The following PVT1 variants were observed in gnomAD, a reference collection of about 807,000 sequenced individuals.
PVT1 encodes the protein CXCR4/PVT1 fusion.
intron 4 of PVT1, among the ~76,000 whole-genome samples, chr8:128,047,573 C>T (rs1813633608): frequency 6.6e-6 from 1 of 152,096 alleles, no homozygotes; most frequent in Admixed American, 6.5e-5. Flanking sequence ...ACAGGAAAAG[C>T]CAAGCTTAAA....
At chr8:128,059,928 G>GA (rs1270688244) in intron 4 of PVT1, among the ~76,000 whole-genome samples, 1 of 152,066 alleles carries the variant, frequency 6.6e-6, no homozygotes, top group Non-Finnish European at 1.5e-5. Flanking sequence ...TGTGAGGCAG[G>GA]AAAAAAGAAA....
chr8:128,100,239 A>C (rs1056179412), intron 6 of PVT1, among the ~76,000 whole-genome samples: 13 of 150,730 alleles, frequency 8.6e-5, no homozygotes, highest in African/African-American at 3.2e-4. Flanking sequence ...GTAAATATGC[A>C]CTCATTTAAA....
At chr8:127,881,329 C>T (rs573850213) in intron 2 of PVT1, among the ~76,000 whole-genome samples, 5 of 151,674 alleles carry the variant, frequency 3.3e-5, no homozygotes, top group East Asian at 3.9e-4. Context: ...CAGTCTTGTC[C>T]GCAGATGAAC....
At chr8:128,065,118 G>C (rs138250770) in intron 4 of PVT1, among the ~76,000 whole-genome samples, 165 of 152,334 alleles carry the variant, frequency 1.1e-3, no homozygotes, top group African/African-American at 3.7e-3. Flanking sequence ...CTAGAGTGAA[G>C]CATTTACAAT....
At chr8:128,056,152 C>T (rs1161912528) in intron 4 of PVT1, among the ~76,000 whole-genome samples, 1 of 152,224 alleles carries the variant, frequency 6.6e-6, no homozygotes, top group Admixed American at 6.5e-5. Context: ...CTGCCTCTGC[C>T]ACTGACTAGC....
intron 4 of PVT1, among the ~76,000 whole-genome samples, chr8:128,016,716 C>T (rs569364553): frequency 1.3e-5 from 2 of 152,202 alleles, no homozygotes; most frequent in East Asian, 3.8e-4. Context: ...CTGTACTGCT[C>T]TTTAAACACT....
At chr8:128,080,967 A>G (rs1438565926) in intron 5 of PVT1, among the ~76,000 whole-genome samples, 1 of 152,210 alleles carries the variant, frequency 6.6e-6, no homozygotes, top group East Asian at 1.9e-4. Context: ...GAAAAAAATT[A>G]TCTTTCCTCG....
At chr8:128,031,131 C>G (rs543509077) in intron 4 of PVT1, among the ~76,000 whole-genome samples, 3 of 152,196 alleles carry the variant, frequency 2.0e-5, no homozygotes, top group Admixed American at 2.0e-4. Flanking sequence ...CAGGACAGAT[C>G]ACAAGGCTGA....
intron 2 of PVT1, among the ~76,000 whole-genome samples, chr8:127,875,911 C>T (rs1265062268): frequency 1.3e-5 from 2 of 152,106 alleles, no homozygotes; most frequent in Non-Finnish European, 2.9e-5. Context: ...TCCAAGGCCT[C>T]ATGCTGGAAA....
chr8:127,850,584 C>A (rs749163387), intron 2 of PVT1, among the ~76,000 whole-genome samples: 1 of 152,156 alleles, frequency 6.6e-6, no homozygotes, highest in Non-Finnish European at 1.5e-5. Context: ...TTAAGAATAG[C>A]GACTTTGCCT....
intron 5 of PVT1, among the ~76,000 whole-genome samples, chr8:128,079,960 G>A (rs1814154635): frequency 6.6e-6 from 1 of 152,042 alleles, no homozygotes; most frequent in South Asian, 2.1e-4. Context: ...TCGTGACCTC[G>A]TAATCCGCCC....
intron 2 of PVT1, among the ~76,000 whole-genome samples, chr8:127,797,674 A>G (rs913263566): frequency 2.0e-5 from 3 of 152,234 alleles, no homozygotes; most frequent in South Asian, 2.1e-4. Context: ...TAGTGCATGT[A>G]TAACATGGAC....
chr8:127,835,018 C>T (rs949677549), intron 2 of PVT1, among the ~76,000 whole-genome samples: 7 of 152,146 alleles, frequency 4.6e-5, no homozygotes, highest in Non-Finnish European at 1.0e-4. Flanking sequence ...TTAGTTCAAC[C>T]ATTGTGGAAG....
intron 2 of PVT1, among the ~76,000 whole-genome samples, chr8:127,836,152 T>C (rs1814906629): frequency 6.6e-6 from 1 of 152,188 alleles, no homozygotes; most frequent in Admixed American, 6.5e-5. Flanking sequence ...GCACCAGTCA[T>C]AGTCTGTAAA....
intron 2 of PVT1, among the ~76,000 whole-genome samples, chr8:127,857,531 G>T (rs540697913): frequency 6.6e-6 from 1 of 152,238 alleles, no homozygotes; most frequent in East Asian, 1.9e-4. Context: ...AATTAGCTGG[G>T]CATGGTGGTG....
At chr8:127,893,469 A>T (rs986609841) in intron 3 of PVT1, among the ~76,000 whole-genome samples, 2 of 150,970 alleles carry the variant, frequency 1.3e-5, no homozygotes, top group African/African-American at 4.9e-5. Flanking sequence ...CTGGTCTTGA[A>T]CTCCTGACTT....
At chr8:127,972,188 T>A (rs1042828777) in intron 3 of PVT1, among the ~76,000 whole-genome samples, 1 of 152,200 alleles carries the variant, frequency 6.6e-6, no homozygotes, top group African/African-American at 2.4e-5. Flanking sequence ...CCCCAGGGGC[T>A]TGTGTTCACC....
At chr8:127,868,778 T>TAC (rs1427389210) in intron 2 of PVT1, among the ~76,000 whole-genome samples, 4 of 118,976 alleles carry the variant, frequency 3.4e-5, no homozygotes, top group South Asian at 5.2e-4. Context: ...AACATATATA[T>TAC]ATATATATAT....
At chr8:127,834,580 T>C (rs763696344) in intron 2 of PVT1, among the ~76,000 whole-genome samples, 25 of 152,162 alleles carry the variant, frequency 1.6e-4, no homozygotes, top group Non-Finnish European at 3.7e-4. Context: ...GGGATCTAAT[T>C]AAACTAAAGG....
Sources: allele counts gnomAD v4.1 joint callset (sites outside exome capture counted in the v4.1 genomes callset), GRCh38; gene constraint gnomAD v4.1.1; transcripts MANE v1.5; gene names NCBI Gene and HGNC (gene_info 2026-07-23, HGNC 2026-07-21).